Variants in CCNY observed in about 807,000 individuals in gnomAD.
CCNY encodes cyclin-Y.
CCNY carries 19 observed loss-of-function variants against 42.8 expected under a neutral mutation model. That is an observed-to-expected ratio of 0.44 (90% CI 0.31 to 0.65). The LOEUF is 0.65. Among genes scored for constraint, CCNY ranks in the 30% least tolerant of loss-of-function variants. The pLI, the probability that CCNY is intolerant of heterozygous loss-of-function variation, is 0.07. For missense variants in CCNY, 370 were observed against 437.3 expected (o/e 0.85, Z 1.37); for synonymous variants, 165 against 162.7 (o/e 1.01, Z -0.11).
At chr10:35,424,341 C>G (rs987799396) in intron 1 of CCNY, among the ~76,000 whole-genome samples, 1 of 152,224 alleles carries the variant, frequency 6.6e-6, no homozygotes, top group Non-Finnish European at 1.5e-5. Flanking sequence ...ATTCTCCTGC[C>G]TCAACCTCCC....
At chr10:35,497,955 G>A (rs998941785) in intron 2 of CCNY, among the ~76,000 whole-genome samples, 10 of 152,056 alleles carry the variant, frequency 6.6e-5, no homozygotes, top group Non-Finnish European at 1.2e-4. Flanking sequence ...ATGGCAGAGG[G>A]ACACCACTGC....
At chr10:35,477,120 G>T (rs958110742) in intron 1 of CCNY, among the ~76,000 whole-genome samples, 1 of 151,980 alleles carries the variant, frequency 6.6e-6, no homozygotes. Flanking sequence ...ACCAATAACA[G>T]GATCTGAAAT....
At chr10:35,410,827 T>A (rs975495846) in intron 1 of CCNY, among the ~76,000 whole-genome samples, 5 of 151,936 alleles carry the variant, frequency 3.3e-5, no homozygotes, top group Admixed American at 6.6e-5. Flanking sequence ...AAGTCTGGAG[T>A]AGGGTGGGAG....
chr10:35,256,444 T>C (rs1024347197), intron 3 of CCNY, among the ~76,000 whole-genome samples: 1 of 152,094 alleles, frequency 6.6e-6, no homozygotes, highest in African/African-American at 2.4e-5. Flanking sequence ...CACTTTAACT[T>C]AACATACAAG....
intron 1 of CCNY, among the ~76,000 whole-genome samples, chr10:35,474,777 A>G (rs1316250859): frequency 2.6e-5 from 4 of 152,252 alleles, no homozygotes; most frequent in Non-Finnish European, 5.9e-5. Context: ...CTCACCAGCA[A>G]CGGAACAAAG....
chr10:35,469,177 C>T (rs1839332114), intron 1 of CCNY, among the ~76,000 whole-genome samples: 1 of 151,810 alleles, frequency 6.6e-6, no homozygotes, highest in Non-Finnish European at 1.5e-5. Flanking sequence ...CCCTGTCCTG[C>T]CACAGACTTC....
At chr10:35,392,734 G>A (rs1335814215) in intron 1 of CCNY, among the ~76,000 whole-genome samples, 2 of 152,220 alleles carry the variant, frequency 1.3e-5, no homozygotes, top group South Asian at 2.1e-4. Flanking sequence ...AGAGTTGGGA[G>A]TGGAGAAGTG....
At chr10:35,253,558 A>C (rs2095713447) in intron 3 of CCNY, among the ~76,000 whole-genome samples, 1 of 150,968 alleles carries the variant, frequency 6.6e-6, no homozygotes, top group Non-Finnish European at 1.5e-5. Flanking sequence ...GATTACAGGC[A>C]TGAGCCACCA....
intron 1 of CCNY, among the ~76,000 whole-genome samples, chr10:35,373,820 A>G (rs947240901): frequency 6.6e-6 from 1 of 152,220 alleles, no homozygotes; most frequent in Non-Finnish European, 1.5e-5. Flanking sequence ...ACAGGAGGCT[A>G]TTAGTTAAGT....
intron 3 of CCNY, among the ~76,000 whole-genome samples, chr10:35,310,923 G>T (rs113816593): frequency 0.079 from 12,046 of 151,964 alleles, 867 homozygotes; most frequent in African/African-American, 0.19. Context: ...GGAGGATTGC[G>T]TGAGTCCAGG....
intron 2 of CCNY, among the ~76,000 whole-genome samples, chr10:35,485,724 C>G (rs546624291): frequency 6.1e-5 from 6 of 97,784 alleles, no homozygotes; most frequent in Non-Finnish European, 1.3e-4. Context: ...GACTCCGTCT[C>G]AAAAAAAAAA....
At chr10:35,256,734 A>C (rs1298901839) in intron 3 of CCNY, among the ~76,000 whole-genome samples, 2 of 135,436 alleles carry the variant, frequency 1.5e-5, no homozygotes, top group African/African-American at 5.9e-5. Flanking sequence ...CTGTCTCAAA[A>C]ATAAAACATT....
intron 4 of CCNY, among the ~76,000 whole-genome samples, chr10:35,520,045 G>A (rs757110346): frequency 4.6e-5 from 7 of 152,076 alleles, no homozygotes; most frequent in African/African-American, 1.2e-4. Context: ...GATTATAGGC[G>A]TCAGCCACAG....
intron 1 of CCNY, among the ~76,000 whole-genome samples, chr10:35,460,708 G>A (rs1839140304): frequency 6.6e-6 from 1 of 152,212 alleles, no homozygotes; most frequent in Non-Finnish European, 1.5e-5. Context: ...TGTTGCATAA[G>A]GTTTTCTAAA....
chr10:35,254,119 C>A (rs933136603), intron 3 of CCNY, among the ~76,000 whole-genome samples: 3 of 152,062 alleles, frequency 2.0e-5, no homozygotes, highest in Non-Finnish European at 4.4e-5. Context: ...CCTTGTGATC[C>A]GCCGGCCTCA....
At chr10:35,453,764 G>A (rs577390205) in intron 1 of CCNY, among the ~76,000 whole-genome samples, 6 of 152,014 alleles carry the variant, frequency 3.9e-5, no homozygotes, top group Admixed American at 2.0e-4. Context: ...TGAAATAGCT[G>A]GGCAATATTT....
intron 1 of CCNY, among the ~76,000 whole-genome samples, chr10:35,457,142 G>A (rs544476988): frequency 6.6e-5 from 10 of 152,286 alleles, no homozygotes; most frequent in Admixed American, 5.2e-4. Context: ...CATGTTTGAT[G>A]TATAACCTTT....
chr10:35,425,691 T>C (rs1838250174), intron 1 of CCNY, among the ~76,000 whole-genome samples: 2 of 152,206 alleles, frequency 1.3e-5, no homozygotes, highest in Admixed American at 6.5e-5. Flanking sequence ...TGGAAAAATG[T>C]GTTGTAATAG....
At chr10:35,316,868 C>T (rs149631061) in intron 3 of CCNY, among the ~76,000 whole-genome samples, 213 of 151,986 alleles carry the variant, frequency 1.4e-3, no homozygotes, top group Non-Finnish European at 2.4e-3. Context: ...AGCGTGTAGA[C>T]CAAGTCTCGC....
Sources: gnomAD v4.1 joint callset for allele counts (sites outside exome capture counted in the v4.1 genomes callset) on GRCh38, gnomAD v4.1.1 for gene constraint, MANE v1.5 for transcripts, NCBI Gene and HGNC (gene_info 2026-07-23, HGNC 2026-07-21) for gene names.